The following HS6ST3 variants were observed in gnomAD, a reference collection of about 807,000 sequenced individuals.
The protein encoded by HS6ST3 is heparan-sulfate 6-O-sulfotransferase 3.
HS6ST3 carries 12 observed loss-of-function variants against 36.7 expected under a neutral mutation model. That is an observed-to-expected ratio of 0.33 (90% CI 0.21 to 0.53). The LOEUF is 0.53. Ranked by LOEUF, HS6ST3 falls within the 20% of genes least tolerant of loss-of-function variation. HS6ST3 has a pLI of 0.95. For missense variants in HS6ST3, 584 were observed against 640.9 expected, an observed-to-expected ratio of 0.91 and a Z score of 0.96; for synonymous variants, 240 against 257.5, an observed-to-expected ratio of 0.93 and a Z score of 0.65.
At chr13:96,542,522 AG>A (rs2056182339) in intron 1 of HS6ST3, among the ~76,000 whole-genome samples, 1 of 152,158 alleles carries the variant, frequency 6.6e-6, no homozygotes, top group Non-Finnish European at 1.5e-5. Flanking sequence ...ATATTTGGGA[AG>A]GGGGAACTTG....
intron 1 of HS6ST3, among the ~76,000 whole-genome samples, chr13:96,827,414 G>A (rs781470995): frequency 6.6e-6 from 1 of 152,136 alleles, no homozygotes; most frequent in Non-Finnish European, 1.5e-5. Context: ...CGGAACAGAA[G>A]GTTCTTCAAC....
chr13:96,807,309 A>G (rs757397977), intron 1 of HS6ST3, among the ~76,000 whole-genome samples: 3 of 152,146 alleles, frequency 2.0e-5, no homozygotes, highest in Non-Finnish European at 4.4e-5. Flanking sequence ...AAAAATTCAT[A>G]TCTTGAATTT....
chr13:96,413,547 A>G (rs2055518845), intron 1 of HS6ST3, among the ~76,000 whole-genome samples: 1 of 152,234 alleles, frequency 6.6e-6, no homozygotes, highest in African/African-American at 2.4e-5. Context: ...TGTAGAGGAT[A>G]CTGAAGCAAA....
At chr13:96,294,530 C>T (rs746062111) in intron 1 of HS6ST3, among the ~76,000 whole-genome samples, 32 of 152,122 alleles carry the variant, frequency 2.1e-4, no homozygotes, top group South Asian at 1.2e-3. Context: ...GGAATGCAAA[C>T]CCAGGATGTT....
intron 1 of HS6ST3, among the ~76,000 whole-genome samples, chr13:96,274,951 A>G (rs973425181): frequency 2.0e-5 from 3 of 151,078 alleles, no homozygotes; most frequent in Non-Finnish European, 2.9e-5. Flanking sequence ...AGTGGGGCCT[A>G]TGATTCTGTT....
intron 1 of HS6ST3, among the ~76,000 whole-genome samples, chr13:96,365,240 C>T (rs1276192536): frequency 2.0e-5 from 3 of 152,182 alleles, no homozygotes; most frequent in African/African-American, 7.2e-5. Flanking sequence ...TCACTGGACT[C>T]TCTGATGTTC....
chr13:96,143,448 T>A (rs1184113985), intron 1 of HS6ST3, among the ~76,000 whole-genome samples: 1 of 148,610 alleles, frequency 6.7e-6, no homozygotes, highest in African/African-American at 2.4e-5. Context: ...TATGTTTATA[T>A]AAATATATAA....
rs2055203857 is a variant in HS6ST3, at chr13:96,355,273, T to A, written c.707+263704T>A. Among the ~76,000 whole-genome samples, 3 of 151,518 alleles carry A rather than the reference T, an allele frequency of 2.0e-5. No individual in the cohort carries two copies. In the South Asian group the frequency reaches 6.3e-4, roughly 32 times the overall value. On this transcript the variant is annotated intron_variant, in intron 1 of 1. Coordinates refer to ENST00000376705, the MANE Select transcript of HS6ST3 (RefSeq NM_153456.4). Reference sequence around the variant, plus strand: ...TCAAAATATCACCCTGAACAGGAGTTTGGGAGAAGTTGATTCCAACCCTGA... The same window carrying A: ...TCAAAATATCACCCTGAACAGGAGTATGGGAGAAGTTGATTCCAACCCTGA...
intron 1 of HS6ST3, among the ~76,000 whole-genome samples, chr13:96,488,516 ATG>A (rs140462921): frequency 0.013 from 1,935 of 152,160 alleles, 40 homozygotes; most frequent in African/African-American, 0.044. Flanking sequence ...CTGTTGGCTT[ATG>A]TCATAACTTC....
chr13:96,531,115 C>T (rs1218106118), intron 1 of HS6ST3, among the ~76,000 whole-genome samples: 1 of 152,134 alleles, frequency 6.6e-6, no homozygotes, highest in Non-Finnish European at 1.5e-5. Flanking sequence ...TCCACTTTCT[C>T]TCTCTCTACA....
chr13:96,310,607 C>T (rs1286637426), intron 1 of HS6ST3, among the ~76,000 whole-genome samples: 2 of 150,068 alleles, frequency 1.3e-5, no homozygotes. Flanking sequence ...CTCCCTCCCT[C>T]CCTGCCTCCC....
At chr13:96,149,899 T>G (rs2139322443) in intron 1 of HS6ST3, among the ~76,000 whole-genome samples, 1 of 152,330 alleles carries the variant, frequency 6.6e-6, no homozygotes, top group South Asian at 2.1e-4. Flanking sequence ...GAATAAAATG[T>G]TATCTGAAGA....
chr13:96,294,848 T>C (rs895843434), intron 1 of HS6ST3, among the ~76,000 whole-genome samples: 17 of 152,070 alleles, frequency 1.1e-4, no homozygotes, highest in African/African-American at 4.1e-4. Context: ...AACATGGGTT[T>C]TTTTCTGAAT....
At chr13:96,303,773 T>G (rs984038966) in intron 1 of HS6ST3, among the ~76,000 whole-genome samples, 3 of 152,180 alleles carry the variant, frequency 2.0e-5, no homozygotes, top group Non-Finnish European at 4.4e-5. Flanking sequence ...CTGTGATTCT[T>G]TTTCACTTTG....
intron 1 of HS6ST3, among the ~76,000 whole-genome samples, chr13:96,765,591 TC>T (rs1479984762): frequency 4.5e-4 from 13 of 28,940 alleles, no homozygotes; most frequent in Non-Finnish European, 1.3e-4. Flanking sequence ...TCTCTCTTTC[TC>T]TCTCTCTCTC....
chr13:96,409,034 AG>A (rs1286030442), intron 1 of HS6ST3, among the ~76,000 whole-genome samples: 1 of 152,264 alleles, frequency 6.6e-6, no homozygotes, highest in Non-Finnish European at 1.5e-5. Flanking sequence ...AGAAATGAAT[AG>A]AAACACCCAA....
chr13:96,451,490 T>G (rs886864491), intron 1 of HS6ST3, among the ~76,000 whole-genome samples: 1 of 152,194 alleles, frequency 6.6e-6, no homozygotes, highest in Non-Finnish European at 1.5e-5. Context: ...GATGCTGCAC[T>G]TCAGGATTTT....
chr13:96,624,608 A>C (rs182288350), intron 1 of HS6ST3, among the ~76,000 whole-genome samples: 71 of 151,928 alleles, frequency 4.7e-4, no homozygotes, highest in African/African-American at 1.5e-3. Context: ...CCTCCCTCCC[A>C]ACTTGTGTGG....
chr13:96,695,826 A>G (rs1875112624), intron 1 of HS6ST3, among the ~76,000 whole-genome samples: 1 of 152,192 alleles, frequency 6.6e-6, no homozygotes, highest in Non-Finnish European at 1.5e-5. Flanking sequence ...TCAACCCAAC[A>G]TTAACCATAT....
Sources: gnomAD v4.1 joint callset for allele counts (sites outside exome capture counted in the v4.1 genomes callset) on GRCh38, gnomAD v4.1.1 for gene constraint, MANE v1.5 for transcripts, NCBI Gene and HGNC (gene_info 2026-07-23, HGNC 2026-07-21) for gene names.